TBC1D19: variants seen among roughly 807,000 people sequenced by gnomAD.
TBC1D19 encodes TBC1 domain family member 19.
TBC1D19 carries 60 observed loss-of-function variants against 89.0 expected under a neutral mutation model. That is an observed-to-expected ratio of 0.67 (90% CI 0.55 to 0.84). The LOEUF (loss-of-function observed/expected upper bound fraction) is 0.84, where lower values mean the gene tolerates loss of function less well. Ranked by LOEUF, TBC1D19 falls within the 40% of genes least tolerant of loss-of-function variation. The pLI is 0.00. For synonymous variants in TBC1D19, 189 were observed against 199.7 expected (o/e 0.95, Z 0.45); for missense variants, 500 against 610.8 (o/e 0.82, Z 1.91).
chr4:26,634,024 A>G (rs992360728), intron 4 of TBC1D19, among the ~76,000 whole-genome samples: 4 of 151,684 alleles, frequency 2.6e-5, no homozygotes, highest in Non-Finnish European at 5.9e-5. Flanking sequence ...GTAACCCTGT[A>G]CCCACATAAA....
chr4:26,713,212 A>G (rs1716320968), intron 13 of TBC1D19, among the ~76,000 whole-genome samples: 2 of 152,080 alleles, frequency 1.3e-5, no homozygotes, highest in South Asian at 2.1e-4. Context: ...ATCGATTTTT[A>G]AAAAGTATTC....
At chr4:26,771,099 A>C in the TBC1D19 span, among the ~76,000 whole-genome samples, 1 of 152,066 alleles carries the variant, frequency 6.6e-6, no homozygotes, top group Non-Finnish European at 1.5e-5. Flanking sequence ...AAAGACACTC[A>C]ATATCACTAA....
intron 13 of TBC1D19, among the ~76,000 whole-genome samples, chr4:26,714,015 G>C (rs566189905): frequency 6.6e-6 from 1 of 152,194 alleles, no homozygotes; most frequent in South Asian, 2.1e-4. Context: ...GAATCATGGA[G>C]TACATATTCA....
chr4:26,638,249 A>G (rs890177071), intron 5 of TBC1D19, among the ~76,000 whole-genome samples: 1 of 151,768 alleles, frequency 6.6e-6, no homozygotes, highest in Admixed American at 6.6e-5. Flanking sequence ...GACAGGATGT[A>G]GTAGGTATAC....
In TBC1D19 at chr4:26,623,248, C is replaced by G. The variant is rs528636804; in HGVS notation, c.294+2560C>G. On this transcript the variant is annotated intron_variant, in intron 4 of 20. Transcript: ENST00000264866. ...AGGCTACTTTTACTGTTTACTTTCT[C>G]TCTTCTCCCAAACTTTTGACTACTT... Among the ~76,000 whole-genome samples the G allele has an allele frequency of 6.6e-5, 10 of 152,256 alleles. No individual in the cohort carries two copies. The East Asian group carries it at 1.9e-3, about 29-fold the overall frequency.
intron 13 of TBC1D19, among the ~76,000 whole-genome samples, chr4:26,697,721 AAACC>A (rs1714932443): frequency 6.6e-6 from 1 of 152,220 alleles, no homozygotes; most frequent in Non-Finnish European, 1.5e-5. Flanking sequence ...GCAAATCAAT[AAACC>A]AAATCCAGCA....
chr4:26,778,902 G>A, the TBC1D19 span, among the ~76,000 whole-genome samples: 1 of 152,186 alleles, frequency 6.6e-6, no homozygotes, highest in East Asian at 1.9e-4. Context: ...GATATCCCTT[G>A]GAATAATTTT....
At position 26,640,142 on chromosome 4, in the gene TBC1D19, T is replaced by C; in HGVS notation, c.435T>C (p.Asp145=). The part of the protein sequence containing the change: ...KWNEMGTDEP[D]LSLFRPVYAP... ...TGTTTATAATCTATCTTATTCTAGATTTAAGCCTTTTCAGACCTGTTTATG... is the reference window on the plus strand; with the variant it reads ...TGTTTATAATCTATCTTATTCTAGACTTAAGCCTTTTCAGACCTGTTTATG... Residue 145 remains aspartate (D), a splice_region_variant and synonymous_variant, in exon 7 of 21, where the codon GAT becomes GAC. Coordinates refer to ENST00000264866, the MANE Select transcript of TBC1D19 (RefSeq NM_018317.4). 4 of 1,607,222 alleles carry C rather than the reference T, an allele frequency of 2.5e-6. No homozygotes were observed. The highest frequency in any genetic ancestry group is 3.4e-6 in the Non-Finnish European group (4 of 1,175,128).
chr4:26,610,657 G>A (rs1477818312), intron 1 of TBC1D19, among the ~76,000 whole-genome samples: 1 of 151,796 alleles, frequency 6.6e-6, no homozygotes, highest in Non-Finnish European at 1.5e-5. Context: ...TTGTGTCCAT[G>A]TGTACTCAAT....
the TBC1D19 span, among the ~76,000 whole-genome samples, chr4:26,806,150 CT>C: frequency 6.6e-6 from 1 of 152,008 alleles, no homozygotes; most frequent in Non-Finnish European, 1.5e-5. Context: ...CTTGGCATGG[CT>C]TTTGCCTCTG....
intron 18 of TBC1D19, among the ~76,000 whole-genome samples, chr4:26,746,963 A>C (rs1718683521): frequency 6.6e-6 from 1 of 152,196 alleles, no homozygotes; most frequent in African/African-American, 2.4e-5. Context: ...GATACACCTG[A>C]CAAAGGGATG....
chr4:26,655,961 G>A lies in TBC1D19; in HGVS notation c.481-3636G>A, dbSNP rs1035425462. Among the ~76,000 whole-genome samples, 5 of 152,196 alleles carry A rather than the reference G, an allele frequency of 3.3e-5. No individual in the cohort carries two copies. In the South Asian group the frequency reaches 6.2e-4, roughly 19 times the overall value. ...GCAGAAATCGTTCGTCTTCTGCGTC[G>A]CTCACGCTGGGAGCTGTAGACTGGA... On this transcript the variant is annotated intron_variant, in intron 7 of 20. Coordinates refer to ENST00000264866, the MANE Select transcript of TBC1D19 (RefSeq NM_018317.4).
At chr4:26,592,506 A>G in intron 1 of TBC1D19, among the ~76,000 whole-genome samples, 1 of 150,636 alleles carries the variant, frequency 6.6e-6, no homozygotes. Context: ...GGCAGGTTAA[A>G]GAAATAAAGG....
intron 16 of TBC1D19, among the ~76,000 whole-genome samples, chr4:26,737,346 T>A (rs1333797166): frequency 6.6e-6 from 1 of 152,136 alleles, no homozygotes; most frequent in Non-Finnish European, 1.5e-5. Context: ...AGATTAATAA[T>A]ATAAATTTTT....
intron 7 of TBC1D19, among the ~76,000 whole-genome samples, chr4:26,653,921 G>T (rs1744594743): frequency 6.6e-6 from 1 of 152,164 alleles, no homozygotes; most frequent in South Asian, 2.1e-4. Context: ...TCATTGTGAT[G>T]TTAGCTGGTT....
At chr4:26,774,984 A>C in the TBC1D19 span, among the ~76,000 whole-genome samples, 9 of 152,312 alleles carry the variant, frequency 5.9e-5, no homozygotes, top group Middle Eastern at 6.8e-3. Context: ...GAGTTTTTTT[A>C]TTAGGAACTA....
intron 15 of TBC1D19, among the ~76,000 whole-genome samples, chr4:26,725,262 T>C (rs1030243282): frequency 5.3e-5 from 8 of 152,194 alleles, no homozygotes; most frequent in African/African-American, 1.9e-4. Flanking sequence ...TGTAAGTTTT[T>C]ATTAAATTCC....
At chr4:26,836,329 T>A in the TBC1D19 span, among the ~76,000 whole-genome samples, 1 of 152,146 alleles carries the variant, frequency 6.6e-6, no homozygotes, top group South Asian at 2.1e-4. Context: ...CACAGAGGGG[T>A]TCCTCAACAA....
intron 15 of TBC1D19, among the ~76,000 whole-genome samples, chr4:26,734,982 G>A (rs1045160863): frequency 2.0e-5 from 3 of 149,152 alleles, no homozygotes; most frequent in African/African-American, 4.9e-5. Context: ...ATACACATAT[G>A]TATATGTATA....
Sources: gnomAD v4.1 joint callset for allele counts (sites outside exome capture counted in the v4.1 genomes callset) on GRCh38, gnomAD v4.1.1 for gene constraint, MANE v1.5 for transcripts, NCBI Gene and HGNC (gene_info 2026-07-23, HGNC 2026-07-21) for gene names.